The following SYT16 variants were observed in gnomAD, a reference collection of about 807,000 sequenced individuals.
SYT16 encodes synaptotagmin-16.
In SYT16, 42 loss-of-function variants were observed where a neutral mutation model predicts 61.4. That is an observed-to-expected ratio of 0.68 (90% CI 0.53 to 0.89). The LOEUF (loss-of-function observed/expected upper bound fraction) is 0.89, where lower values mean the gene tolerates loss of function less well. SYT16 is among the 40% of genes least tolerant of loss of function. The probability of loss-of-function intolerance (pLI) is 0.00; values close to 1 mark genes in which losing one functional copy is unlikely to be tolerated. For missense variants in SYT16, 804 were observed against 807.3 expected, an observed-to-expected ratio of 1.00 and a Z score of 0.05; for synonymous variants, 314 against 302.3, an observed-to-expected ratio of 1.04 and a Z score of -0.40.
At chr14:61,941,631 CT>C (rs1357070279) in intron 1 of SYT16, among the ~76,000 whole-genome samples, 1 of 152,208 alleles carries the variant, frequency 6.6e-6, no homozygotes, top group East Asian at 1.9e-4. Flanking sequence ...TCAAAGTCCA[CT>C]CATTTTTTCC....
chr14:61,962,669 G>A (rs972242401), intron 1 of SYT16, among the ~76,000 whole-genome samples: 1 of 151,954 alleles, frequency 6.6e-6, no homozygotes, highest in East Asian at 1.9e-4. Flanking sequence ...TGTCTCATGA[G>A]TCTTGTAAAC....
chr14:61,996,624 C>T, intron 3 of SYT16, 82 bp downstream of exon 3: 1 of 1,483,610 alleles, frequency 6.7e-7, no homozygotes, highest in African/African-American at 1.4e-5. Context: ...TTTTAGTTAT[C>T]ATGTGGATTT....
chr14:61,882,044 G>T (rs1008846962), intron 1 of SYT16, among the ~76,000 whole-genome samples: 1 of 151,988 alleles, frequency 6.6e-6, no homozygotes, highest in East Asian at 1.9e-4. Flanking sequence ...AAACAGCTTC[G>T]AATCTGTTTT....
At chr14:62,049,829 G>T (rs1409210404) in intron 3 of SYT16, among the ~76,000 whole-genome samples, 2 of 152,210 alleles carry the variant, frequency 1.3e-5, no homozygotes, top group Non-Finnish European at 2.9e-5. Context: ...TAGAGTTTCT[G>T]CCAAGAGATC....
intron 3 of SYT16, among the ~76,000 whole-genome samples, chr14:62,053,730 A>G (rs1208008786): frequency 6.6e-6 from 1 of 152,232 alleles, no homozygotes; most frequent in African/African-American, 2.4e-5. Flanking sequence ...ACATAAACCT[A>G]TTTAGAAAAT....
chr14:62,081,726 G>A (rs143499757), intron 6 of SYT16, among the ~76,000 whole-genome samples: 128 of 152,232 alleles, frequency 8.4e-4, no homozygotes, highest in East Asian at 2.7e-3. Context: ...TGTTACTACC[G>A]TCTTCCCTCA....
intron 1 of SYT16, among the ~76,000 whole-genome samples, chr14:61,880,416 C>A (rs2047659011): frequency 6.6e-6 from 1 of 152,260 alleles, no homozygotes; most frequent in East Asian, 1.9e-4. Flanking sequence ...AGCAAGCATT[C>A]CTTTCTTTTC....
intron 3 of SYT16, among the ~76,000 whole-genome samples, chr14:62,051,428 C>T (rs6573413): frequency 0.38 from 57,884 of 152,076 alleles, 14,976 homozygotes; most frequent in African/African-American, 0.74. Context: ...CCTGGTGAGG[C>T]GATGCCTCAC....
intron 1 of SYT16, among the ~76,000 whole-genome samples, chr14:61,942,236 C>A (rs2050238971): frequency 6.6e-6 from 1 of 152,126 alleles, no homozygotes. Flanking sequence ...CCTTATAGTC[C>A]CTTTTTCAAG....
intron 1 of SYT16, among the ~76,000 whole-genome samples, chr14:61,886,939 A>G (rs1594831731): frequency 1.8e-5 from 2 of 109,754 alleles, no homozygotes; most frequent in African/African-American, 3.6e-5. Context: ...GGGTCTTGCT[A>G]TATTGCCCAG....
intron 3 of SYT16, among the ~76,000 whole-genome samples, chr14:62,038,210 G>C (rs1384357224): frequency 1.3e-5 from 2 of 150,894 alleles, no homozygotes; most frequent in African/African-American, 2.4e-5. Flanking sequence ...TGTGGTATAT[G>C]GGTTGGATTC....
intron 4 of SYT16, among the ~76,000 whole-genome samples, chr14:62,071,129 C>G (rs2056284148): frequency 6.6e-6 from 1 of 152,142 alleles, no homozygotes; most frequent in Non-Finnish European, 1.5e-5. Context: ...ATAACCAAAC[C>G]ACAACATCAG....
intron 1 of SYT16, among the ~76,000 whole-genome samples, chr14:61,835,245 G>T (rs1262565918): frequency 6.9e-6 from 1 of 145,738 alleles, no homozygotes; most frequent in Non-Finnish European, 1.5e-5. Flanking sequence ...TCTCATGAAA[G>T]GTGAATTTTT....
At chr14:61,895,672 G>A (rs893240198) in intron 1 of SYT16, among the ~76,000 whole-genome samples, 5 of 152,114 alleles carry the variant, frequency 3.3e-5, no homozygotes, top group Non-Finnish European at 7.4e-5. Context: ...CCACACCACT[G>A]ATGCTGCTGC....
At chr14:62,055,430 G>A (rs1041106807) in intron 3 of SYT16, among the ~76,000 whole-genome samples, 1 of 152,202 alleles carries the variant, frequency 6.6e-6, no homozygotes, top group Non-Finnish European at 1.5e-5. Context: ...ACTTGAGAGA[G>A]TCCTTGCAGT....
chr14:61,838,084 G>T (rs1308967507), intron 1 of SYT16, among the ~76,000 whole-genome samples: 2 of 152,190 alleles, frequency 1.3e-5, no homozygotes, highest in Admixed American at 6.5e-5. Context: ...AGCTGTTTCA[G>T]GGCTGCTCTG....
chr14:62,097,652 A>C (rs937404353), intron 7 of SYT16, among the ~76,000 whole-genome samples: 1 of 152,202 alleles, frequency 6.6e-6, no homozygotes, highest in Non-Finnish European at 1.5e-5. Flanking sequence ...TGGTGTCTTC[A>C]GACTGGATTG....
In SYT16 at chr14:62,101,600, A is replaced by G. The variant is rs186906161; in HGVS notation, c.*893A>G. On this transcript the variant is annotated 3_prime_UTR_variant, in exon 8 of 8. Coordinates refer to ENST00000683842, the MANE Select transcript of SYT16 (RefSeq NM_001367656.1). ...TATATACTCATATATGAATATTTTG[A>G]ATGTACTGCATGTAAACCATGCTCT... is the stretch of plus-strand genomic sequence containing the variant. 4.6e-5 allele frequency: 7 copies of G among 152,274 alleles called. 1 individual carries two copies. The highest frequency in any genetic ancestry group is 1.7e-4 in the African/African-American group (7 of 41,556). 9.4% of individuals were successfully genotyped at this position (152,274 alleles called of 1,614,324 possible). A position where few individuals can be genotyped will look rare whatever the true frequency, so the allele number is the denominator to read the frequency against.
intron 2 of SYT16, among the ~76,000 whole-genome samples, chr14:61,988,837 C>T (rs1268920290): frequency 6.6e-6 from 1 of 152,014 alleles, no homozygotes; most frequent in African/African-American, 2.4e-5. Context: ...CTAGGAAAAT[C>T]ACTTTACCTT....
Sources: gnomAD v4.1 joint callset for allele counts (sites outside exome capture counted in the v4.1 genomes callset) on GRCh38, gnomAD v4.1.1 for gene constraint, MANE v1.5 for transcripts, NCBI Gene and HGNC (gene_info 2026-07-23, HGNC 2026-07-21) for gene names.